Variants in ZNG1A observed in about 807,000 individuals in gnomAD.
ZNG1A encodes the protein zinc-regulated GTPase metalloprotein activator 1A.
chr9:146,694 C>A, the ZNG1A span: 1 of 135,840 alleles, frequency 7.4e-6, no homozygotes, highest in Middle Eastern at 3.2e-3. Context: ...AAAATTCCCA[C>A]CATCCGAATA....
chr9:135,118 A>C, the ZNG1A span: 2 of 1,346,654 alleles, frequency 1.5e-6, no homozygotes, highest in Middle Eastern at 2.8e-4. Flanking sequence ...TAATGAAGTG[A>C]CTTTCCATAA....
At chr9:177,527 G>A in the ZNG1A span, among the ~76,000 whole-genome samples, 1 of 151,534 alleles carries the variant, frequency 6.6e-6, no homozygotes, top group East Asian at 1.9e-4. Context: ...GGAGGAGGGA[G>A]CCTTAAAAAG....
the ZNG1A span, among the ~76,000 whole-genome samples, chr9:123,925 A>G: frequency 1.1e-4 from 17 of 152,138 alleles, no homozygotes; most frequent in Non-Finnish European, 2.4e-4. Context: ...GGTCAAAAAA[A>G]TAAGCTACCC....
the ZNG1A span, among the ~76,000 whole-genome samples, chr9:159,379 G>A: frequency 6.6e-6 from 1 of 150,714 alleles, no homozygotes; most frequent in Non-Finnish European, 1.5e-5. Context: ...CATGATGACT[G>A]TAGTTAATTC....
the ZNG1A span, chr9:164,289 T>C: frequency 2.5e-6 from 1 of 398,874 alleles, no homozygotes; most frequent in Non-Finnish European, 4.4e-6. Context: ...TCTAACCACA[T>C]ATAAACAAAA....
chr9:173,612 C>T, the ZNG1A span, among the ~76,000 whole-genome samples: 1 of 152,100 alleles, frequency 6.6e-6, no homozygotes, highest in South Asian at 2.1e-4. Flanking sequence ...CTACTTCCTC[C>T]TTAGGCCTCT....
At chr9:147,315 A>C in the ZNG1A span, 2 of 125,194 alleles carry the variant, frequency 1.6e-5, no homozygotes, top group African/African-American at 7.0e-5. Flanking sequence ...CATTTGTTAA[A>C]TTTTCTTACA....
chr9:174,927 A>G, the ZNG1A span, among the ~76,000 whole-genome samples: 27 of 150,784 alleles, frequency 1.8e-4, no homozygotes, highest in African/African-American at 6.4e-4. Flanking sequence ...ACATGAGGAT[A>G]AAGACCATAT....
the ZNG1A span, among the ~76,000 whole-genome samples, chr9:176,568 A>G: frequency 6.6e-6 from 1 of 152,222 alleles, no homozygotes; most frequent in East Asian, 1.9e-4. Flanking sequence ...TAGGGTATTA[A>G]TATCTTTTAG....
chr9:167,212 C>T, the ZNG1A span: 1 of 151,228 alleles, frequency 6.6e-6, no homozygotes, highest in African/African-American at 2.4e-5. Context: ...TGAAAGTGTT[C>T]CCAAACAAGT....
chr9:143,199 C>T, the ZNG1A span, among the ~76,000 whole-genome samples: 3,276 of 148,224 alleles, frequency 0.022, 129 homozygotes, highest in African/African-American at 0.08. Flanking sequence ...TTTGATGAGG[C>T]CAGCATCATC....
At chr9:177,473 T>C in the ZNG1A span, among the ~76,000 whole-genome samples, 3 of 150,326 alleles carry the variant, frequency 2.0e-5, no homozygotes, top group South Asian at 2.1e-4. Flanking sequence ...GACATCAAAA[T>C]AGAAATTACA....
At chr9:177,286 G>T in the ZNG1A span, among the ~76,000 whole-genome samples, 1 of 151,930 alleles carries the variant, frequency 6.6e-6, no homozygotes, top group Non-Finnish European at 1.5e-5. Context: ...TGACGCAGTC[G>T]GATTGACATT....
chr9:162,510 T>C, the ZNG1A span: 5 of 1,575,780 alleles, frequency 3.2e-6, no homozygotes, highest in Admixed American at 3.5e-5. Context: ...TTAAAAAGAA[T>C]GTTTATTAAT....
chr9:163,405 A>G, the ZNG1A span, among the ~76,000 whole-genome samples: 1 of 152,050 alleles, frequency 6.6e-6, no homozygotes, highest in Non-Finnish European at 1.5e-5. Context: ...AGGATACAGA[A>G]AACCTACAAA....
the ZNG1A span, chr9:172,313 T>C: frequency 6.9e-6 from 7 of 1,017,226 alleles, no homozygotes; most frequent in Non-Finnish European, 1.4e-6. Context: ...TCTAACCTTC[T>C]AACAAAATGT....
the ZNG1A span, chr9:172,532 G>C: frequency 5.7e-6 from 1 of 175,158 alleles, no homozygotes; most frequent in South Asian, 1.3e-4. Context: ...AATAGCTAAA[G>C]AGACACTGAT....
the ZNG1A span, among the ~76,000 whole-genome samples, chr9:157,145 A>G: frequency 7.7e-6 from 1 of 129,658 alleles, no homozygotes; most frequent in Non-Finnish European, 1.6e-5. Flanking sequence ...TTAGAAACCC[A>G]TACTTGCTAA....
the ZNG1A span, among the ~76,000 whole-genome samples, chr9:175,327 G>C: frequency 6.6e-6 from 1 of 151,556 alleles, no homozygotes; most frequent in Non-Finnish European, 1.5e-5. Flanking sequence ...GCAGTGAGCT[G>C]AGATTGCACC....
Sources: gnomAD v4.1 joint callset for allele counts (sites outside exome capture counted in the v4.1 genomes callset) on GRCh38, gnomAD v4.1.1 for gene constraint, MANE v1.5 for transcripts, NCBI Gene and HGNC (gene_info 2026-07-23, HGNC 2026-07-21) for gene names.